ROBO2: variants seen among roughly 807,000 people sequenced by gnomAD.
ROBO2 encodes roundabout guidance receptor 2, also known as roundabout homolog 2.
Under a neutral mutation model 160.8 loss-of-function variants are expected in ROBO2, and 53 were observed. The observed-to-expected ratio is 0.33, with a 90% CI of 0.26 to 0.41. ROBO2 has a LOEUF of 0.41. ROBO2 is among the 10% of genes least tolerant of loss of function. The probability of loss-of-function intolerance (pLI) is 1.00; values close to 1 mark genes in which losing one functional copy is unlikely to be tolerated. For missense variants in ROBO2, 1,577 were observed against 1,722.4 expected, an observed-to-expected ratio of 0.92 and a Z score of 1.49; for synonymous variants, 664 against 611.7, an observed-to-expected ratio of 1.09 and a Z score of -1.26.
At chr3:75,918,215 GT>G (rs1946889550) in intron 1 of ROBO2, among the ~76,000 whole-genome samples, 1 of 152,126 alleles carries the variant, frequency 6.6e-6, no homozygotes, top group Non-Finnish European at 1.5e-5. Context: ...CTTTTATAAG[GT>G]GTAACGAAGG....
chr3:77,470,247 G>T (rs2083218335), intron 2 of ROBO2, among the ~76,000 whole-genome samples: 1 of 152,120 alleles, frequency 6.6e-6, no homozygotes, highest in Non-Finnish European at 1.5e-5. Flanking sequence ...GTTAAAAAGG[G>T]AATTGACATG....
chr3:76,265,049 T>C (rs1056355950), intron 2 of ROBO2, among the ~76,000 whole-genome samples: 1 of 152,146 alleles, frequency 6.6e-6, no homozygotes, highest in Non-Finnish European at 1.5e-5. Context: ...ATTTTCAAAA[T>C]TGTATTTTCT....
intron 4 of ROBO2, among the ~76,000 whole-genome samples, chr3:77,482,506 G>A (rs2084828322): frequency 6.6e-6 from 1 of 152,136 alleles, no homozygotes; most frequent in Non-Finnish European, 1.5e-5. Flanking sequence ...GTAATCTCTG[G>A]TAACACTCCC....
At chr3:76,209,982 C>G (rs150403589) in intron 2 of ROBO2, among the ~76,000 whole-genome samples, 4,676 of 152,140 alleles carry the variant, frequency 0.031, 80 homozygotes, top group African/African-American at 0.05. Flanking sequence ...AAAAAACATT[C>G]AGGCCCAGAA....
At chr3:76,167,309 T>G (rs535887016) in intron 2 of ROBO2, among the ~76,000 whole-genome samples, 53 of 152,286 alleles carry the variant, frequency 3.5e-4, no homozygotes, top group Non-Finnish European at 3.8e-4. Flanking sequence ...TCTCTGTTGT[T>G]TGCTGAAATA....
intron 2 of ROBO2, among the ~76,000 whole-genome samples, chr3:77,308,533 C>T (rs1226162509): frequency 6.6e-6 from 1 of 151,942 alleles, no homozygotes; most frequent in African/African-American, 2.4e-5. Flanking sequence ...AACAGAGGAG[C>T]ATGGATGCTG....
intron 2 of ROBO2, among the ~76,000 whole-genome samples, chr3:77,204,908 C>CG (rs1390411376): frequency 2.0e-4 from 31 of 152,316 alleles, no homozygotes; most frequent in African/African-American, 7.0e-4. Context: ...ATTCCCCTTG[C>CG]GGGGCCTGTG....
intron 2 of ROBO2, among the ~76,000 whole-genome samples, chr3:76,698,959 A>T (rs2107404795): frequency 6.6e-6 from 1 of 152,302 alleles, no homozygotes; most frequent in South Asian, 2.1e-4. Flanking sequence ...GTTATTTTTT[A>T]AAAGTATGTA....
chr3:76,713,702 A>C (rs1415204676), intron 2 of ROBO2, among the ~76,000 whole-genome samples: 1 of 152,144 alleles, frequency 6.6e-6, no homozygotes, highest in Non-Finnish European at 1.5e-5. Flanking sequence ...ACATGTTTCT[A>C]CTTCCAGTCA....
intron 2 of ROBO2, among the ~76,000 whole-genome samples, chr3:76,743,125 A>G (rs2093829700): frequency 6.6e-6 from 1 of 152,060 alleles, no homozygotes; most frequent in African/African-American, 2.4e-5. Context: ...TTTTCCCTCA[A>G]CCTTAGAATA....
intron 2 of ROBO2, among the ~76,000 whole-genome samples, chr3:76,046,368 G>C (rs1161726904): frequency 6.6e-6 from 1 of 151,988 alleles, no homozygotes; most frequent in African/African-American, 2.4e-5. Context: ...ATGCCTAACT[G>C]GCCGGGCGCG....
chr3:76,825,024 T>C (rs1351791757), intron 2 of ROBO2, among the ~76,000 whole-genome samples: 1 of 152,206 alleles, frequency 6.6e-6, no homozygotes, highest in Non-Finnish European at 1.5e-5. Context: ...CAGGGAGTGC[T>C]GGTAAACTTG....
upstream of ROBO2, among the ~76,000 whole-genome samples, chr3:77,035,634 A>T (rs569060589): frequency 4.6e-5 from 7 of 152,064 alleles, no homozygotes; most frequent in Middle Eastern, 3.4e-3. Context: ...TTATATAGAG[A>T]CAAGTATTGG....
At chr3:76,212,773 A>G (rs934205907) in intron 2 of ROBO2, among the ~76,000 whole-genome samples, 1 of 151,992 alleles carries the variant, frequency 6.6e-6, no homozygotes, top group Non-Finnish European at 1.5e-5. Context: ...TTAGGCTGAA[A>G]TATCCCAGCA....
chr3:76,157,960 C>G (rs953592493), intron 2 of ROBO2, among the ~76,000 whole-genome samples: 1 of 152,114 alleles, frequency 6.6e-6, no homozygotes, highest in Non-Finnish European at 1.5e-5. Context: ...CATTCTCTTT[C>G]CTCCAGATCA....
At chr3:77,515,175 C>A (rs1435659659) in intron 5 of ROBO2, among the ~76,000 whole-genome samples, 1 of 151,742 alleles carries the variant, frequency 6.6e-6, no homozygotes, top group Non-Finnish European at 1.5e-5. Context: ...TATCCTTTCT[C>A]TGACCTGAGA....
intron 2 of ROBO2, among the ~76,000 whole-genome samples, chr3:77,107,574 T>A (rs1579034673): frequency 6.6e-6 from 1 of 152,194 alleles, no homozygotes; most frequent in Non-Finnish European, 1.5e-5. Context: ...TTACATAGTA[T>A]TAGGTATTAT....
Position 76,817,801 on chromosome 3 carries a change from T to C in ROBO2, c.110-280213T>C, listed in dbSNP as rs554589898. Among the ~76,000 whole-genome samples the C allele has an allele frequency of 4.0e-5, 6 of 151,658 alleles. No homozygotes were observed. The East Asian group carries it at 1.2e-3, about 30-fold the overall frequency. On this transcript the variant is annotated intron_variant, in intron 2 of 26. Transcript: ENST00000487694. ...TTTCTAAGACCATTATTCTTAATGGTTAATGCAAATGCCATTATTTCATTC... is the reference window on the plus strand; with the variant it reads ...TTTCTAAGACCATTATTCTTAATGGCTAATGCAAATGCCATTATTTCATTC...
intron 2 of ROBO2, among the ~76,000 whole-genome samples, chr3:76,967,469 A>C (rs2059359037): frequency 6.8e-6 from 1 of 147,634 alleles, no homozygotes; most frequent in Admixed American, 6.8e-5. Context: ...CACCTCCCAA[A>C]GTGCTAGGAT....
Sources: allele counts gnomAD v4.1 joint callset (sites outside exome capture counted in the v4.1 genomes callset), GRCh38; gene constraint gnomAD v4.1.1; transcripts MANE v1.5; gene names NCBI Gene and HGNC (gene_info 2026-07-23, HGNC 2026-07-21).